GPHN: variants seen among roughly 807,000 people sequenced by gnomAD.
GPHN encodes the protein gephyrin.
GPHN carries 17 observed loss-of-function variants against 95.5 expected under a neutral mutation model. The observed-to-expected ratio is 0.18, with a 90% confidence interval of 0.12 to 0.27. GPHN has a LOEUF of 0.27. GPHN is among the 10% of genes least tolerant of loss of function. GPHN has a pLI of 1.00. For synonymous variants in GPHN, 320 were observed against 322.5 expected, an observed-to-expected ratio of 0.99 and a Z score of 0.08; for missense variants, 660 against 978.1, an observed-to-expected ratio of 0.67 and a Z score of 4.34.
chr14:66,726,050 G>A (rs989243130), intron 2 of GPHN, among the ~76,000 whole-genome samples: 24 of 152,184 alleles, frequency 1.6e-4, no homozygotes, highest in Admixed American at 9.8e-4. Flanking sequence ...AAGACTAATT[G>A]TTGACTGAAA....
At chr14:67,570,023 G>A in the GPHN span, 1 of 1,535,974 alleles carries the variant, frequency 6.5e-7, no homozygotes, top group Non-Finnish European at 9.0e-7. Context: ...GTAAGAAACT[G>A]CTGCACAAAG....
At chr14:67,612,690 A>G in the GPHN span, among the ~76,000 whole-genome samples, 1 of 152,208 alleles carries the variant, frequency 6.6e-6, no homozygotes, top group Non-Finnish European at 1.5e-5. Flanking sequence ...TAATCCCAGC[A>G]CTTTGGGAGG....
intron 18 of GPHN, among the ~76,000 whole-genome samples, chr14:67,144,268 T>TATACATAC (rs2080747621): frequency 9.5e-6 from 1 of 105,794 alleles, no homozygotes; most frequent in African/African-American, 4.0e-5. Context: ...TATATATATA[T>TATACATAC]ATATATATAT....
At chr14:66,929,760 G>A (rs925177844) in intron 8 of GPHN, among the ~76,000 whole-genome samples, 14 of 150,228 alleles carry the variant, frequency 9.3e-5, no homozygotes, top group Non-Finnish European at 1.0e-4. Flanking sequence ...CGCCCAGGCC[G>A]GACTGCAGTG....
the GPHN span, among the ~76,000 whole-genome samples, chr14:67,284,429 T>TAAAAAAAAAAAAA: frequency 2.2e-5 from 2 of 92,678 alleles, no homozygotes; most frequent in African/African-American, 1.3e-4. Context: ...CCCTATCTCT[T>TAAAAAAAAAAAAA]AAAAAAAAAA....
the GPHN span, among the ~76,000 whole-genome samples, chr14:67,261,201 TGTG>T: frequency 4.6e-5 from 7 of 152,246 alleles, no homozygotes; most frequent in East Asian, 5.8e-4. Flanking sequence ...GGGACACTGT[TGTG>T]GTGGTAGGAG....
chr14:66,723,279 T>C (rs1352334975), intron 2 of GPHN, among the ~76,000 whole-genome samples: 1 of 130,668 alleles, frequency 7.7e-6, no homozygotes, highest in African/African-American at 4.1e-5. Flanking sequence ...TTTATAAAAG[T>C]TTATAACTTT....
intron 3 of GPHN, among the ~76,000 whole-genome samples, chr14:66,812,696 AT>A (rs1306888833): frequency 6.6e-6 from 1 of 152,242 alleles, no homozygotes; most frequent in African/African-American, 2.4e-5. Flanking sequence ...CAGTGAAATC[AT>A]TTAGTAAATA....
chr14:66,824,818 T>G (rs1281574917), intron 4 of GPHN, among the ~76,000 whole-genome samples: 1 of 152,138 alleles, frequency 6.6e-6, no homozygotes, highest in Non-Finnish European at 1.5e-5. Flanking sequence ...GTCATTTTCT[T>G]GATGTCAGCC....
intron 3 of GPHN, among the ~76,000 whole-genome samples, chr14:66,786,035 A>G (rs1360269970): frequency 6.6e-6 from 1 of 152,132 alleles, no homozygotes; most frequent in Non-Finnish European, 1.5e-5. Context: ...AAAAGAAAGA[A>G]AACAATGAAT....
At chr14:67,014,988 C>T (rs2073220250) in intron 9 of GPHN, among the ~76,000 whole-genome samples, 1 of 152,274 alleles carries the variant, frequency 6.6e-6, no homozygotes, top group South Asian at 2.1e-4. Context: ...ACATTAAGAA[C>T]ATTTAACATT....
the GPHN span, among the ~76,000 whole-genome samples, chr14:67,446,599 G>A: frequency 6.6e-6 from 1 of 152,156 alleles, no homozygotes; most frequent in African/African-American, 2.4e-5. Context: ...TCCCAGGAGG[G>A]GCAGCACAGT....
intron 10 of GPHN, among the ~76,000 whole-genome samples, chr14:67,037,635 A>G (rs909105206): frequency 1.3e-5 from 2 of 152,044 alleles, no homozygotes; most frequent in African/African-American, 4.8e-5. Flanking sequence ...AAAAATGGGG[A>G]AAGGACTTGA....
chr14:67,075,647 T>C (rs992080211), intron 11 of GPHN, among the ~76,000 whole-genome samples: 8 of 152,154 alleles, frequency 5.3e-5, no homozygotes, highest in South Asian at 2.1e-4. Context: ...AATATCAACA[T>C]TGACAGGAGT....
intron 3 of GPHN, among the ~76,000 whole-genome samples, chr14:66,783,444 T>A (rs2059672630): frequency 6.6e-6 from 1 of 152,190 alleles, no homozygotes; most frequent in Non-Finnish European, 1.5e-5. Flanking sequence ...AGCAGGGTAG[T>A]GTCAGTGGAG....
At chr14:67,382,909 G>A in the GPHN span, among the ~76,000 whole-genome samples, 44 of 95,070 alleles carry the variant, frequency 4.6e-4, no homozygotes, top group East Asian at 0.029. Flanking sequence ...GCGTGCGTGC[G>A]TGTGTGTGTG....
intron 1 of GPHN, among the ~76,000 whole-genome samples, chr14:66,611,505 T>A (rs2153278796): frequency 6.6e-6 from 1 of 152,286 alleles, no homozygotes; most frequent in Non-Finnish European, 1.5e-5. Flanking sequence ...AGTAGTTCCA[T>A]AACAAGGTTA....
At chr14:67,723,982 G>T in the GPHN span, among the ~76,000 whole-genome samples, 6 of 152,236 alleles carry the variant, frequency 3.9e-5, no homozygotes, top group African/African-American at 1.4e-4. Flanking sequence ...ATCAGTACCT[G>T]TGTATGCCAT....
chr14:67,613,742 C>G, the GPHN span: 14 of 214,366 alleles, frequency 6.5e-5, no homozygotes, highest in African/African-American at 3.2e-4. Context: ...CAATATTAAC[C>G]AAGAAGATTC....
Sources: allele counts gnomAD v4.1 joint callset (sites outside exome capture counted in the v4.1 genomes callset), GRCh38; gene constraint gnomAD v4.1.1; transcripts MANE v1.5; gene names NCBI Gene and HGNC (gene_info 2026-07-23, HGNC 2026-07-21).